Variants in ENPP3 observed in about 807,000 individuals in gnomAD.
ENPP3 encodes ectonucleotide pyrophosphatase/phosphodiesterase 3, also known as ectonucleotide pyrophosphatase/phosphodiesterase family member 3.
A neutral mutation model predicts 117.8 loss-of-function variants in ENPP3; 104 were observed. The observed-to-expected ratio is 0.88, with a 90% CI of 0.75 to 1.04. ENPP3 has a LOEUF of 1.04. Among genes scored for constraint, ENPP3 ranks in the 50% least tolerant of loss-of-function variants. The probability of loss-of-function intolerance (pLI) is 0.00; values close to 1 mark genes in which losing one functional copy is unlikely to be tolerated. For missense variants in ENPP3, 1,026 were observed against 1,051.9 expected (o/e 0.98, Z 0.34); for synonymous variants, 380 against 349.9 (o/e 1.09, Z -0.96).
At position 131,697,309 on chromosome 6, in the gene ENPP3, T is replaced by A. The variant is rs375567682; in HGVS notation, c.1412+3685T>A. ...AGGTGGCTTGAGGTGAATATAGGGA[T>A]ATTTGCTTTTGGAGAGGTCCTTCAA... On this transcript the variant is annotated intron_variant, in intron 15 of 24. Coordinates refer to ENST00000357639, the MANE Select transcript of ENPP3 (RefSeq NM_005021.5). Among the ~76,000 whole-genome samples the A allele has an allele frequency of 1.1e-4, 16 of 151,664 alleles. No individual in the cohort carries two copies. The East Asian group carries it at 1.4e-3, about 13-fold the overall frequency.
chr6:131,696,595 A>G (rs1779410359), intron 15 of ENPP3, among the ~76,000 whole-genome samples: 1 of 152,162 alleles, frequency 6.6e-6, no homozygotes, highest in Non-Finnish European at 1.5e-5. Flanking sequence ...ATCTTTGCTC[A>G]GCTCACCAAG....
intron 12 of ENPP3, among the ~76,000 whole-genome samples, chr6:131,685,048 T>C (rs1779122208): frequency 6.6e-6 from 1 of 152,136 alleles, no homozygotes; most frequent in African/African-American, 2.4e-5. Flanking sequence ...CCTCCCAAAG[T>C]GTTAGGATTA....
intron 7 of ENPP3, among the ~76,000 whole-genome samples, chr6:131,673,142 G>A (rs760339622): frequency 3.2e-4 from 48 of 152,154 alleles, no homozygotes; most frequent in Non-Finnish European, 6.3e-4. Flanking sequence ...ATCAGCACAA[G>A]CTATCAGCCT....
chr6:131,671,155 A>AT, intron 6 of ENPP3, 93 bp from the exon 7 acceptor site: 1 of 777,114 alleles, frequency 1.3e-6, no homozygotes, highest in Non-Finnish European at 2.3e-6. Flanking sequence ...TTTGTTTTTT[A>AT]TTTTTCTGAG....
chr6:131,687,934 C>A (rs1279647267), intron 14 of ENPP3, among the ~76,000 whole-genome samples: 1 of 152,132 alleles, frequency 6.6e-6, no homozygotes, highest in East Asian at 1.9e-4. Context: ...GCTTACCTTG[C>A]TTCACTGCAT....
intron 3 of ENPP3, among the ~76,000 whole-genome samples, chr6:131,651,778 T>C (rs1279779250): frequency 3.3e-5 from 5 of 152,208 alleles, no homozygotes; most frequent in Non-Finnish European, 7.4e-5. Flanking sequence ...GATAGAGATC[T>C]GTGTTCCCTT....
intron 15 of ENPP3, among the ~76,000 whole-genome samples, chr6:131,717,619 A>G (rs1473080211): frequency 6.6e-6 from 1 of 152,200 alleles, no homozygotes; most frequent in African/African-American, 2.4e-5. Context: ...AATTCAAAAC[A>G]GTATTAAAAT....
At chr6:131,673,499 A>T (rs1050365441) in intron 7 of ENPP3, among the ~76,000 whole-genome samples, 1 of 152,172 alleles carries the variant, frequency 6.6e-6, no homozygotes, top group African/African-American at 2.4e-5. Context: ...AAGGGGAAAC[A>T]ACAGACACTG....
chr6:131,711,306 T>A (rs1444468044), intron 15 of ENPP3, among the ~76,000 whole-genome samples: 1 of 150,768 alleles, frequency 6.6e-6, no homozygotes. Context: ...ATCACATATT[T>A]TGAAGCTTTA....
Position 131,718,674 on chromosome 6 carries a change from G to A in ENPP3, c.1415G>A (p.Ser472Asn). 1.3e-6 allele frequency: 2 copies of A among 1,569,764 alleles called. No homozygotes were observed. Among genetic ancestry groups the A allele is most frequent in the Non-Finnish European group, 1.8e-6 (2 of 1,141,846 alleles). ...FVDQQWLAVR[S>N]KSNTNCGGGN... ...GTAATAATATTTTTTCTTTATAGGA[G>A]TAAATCAAATACAAATTGTGGAGGA... is the stretch of plus-strand genomic sequence containing the variant. The change falls in exon 16 of 25, where the codon AGT (serine) becomes AAT (asparagine). Residue 472 changes from serine (S) to asparagine (N), a missense_variant and splice_region_variant. Physicochemically the swap from Ser to Asn is conservative, Grantham distance 46. Coordinates refer to ENST00000357639, the MANE Select transcript of ENPP3 (RefSeq NM_005021.5).
chr6:131,666,503 G>A (rs1778619952), intron 6 of ENPP3, among the ~76,000 whole-genome samples: 1 of 152,062 alleles, frequency 6.6e-6, no homozygotes, highest in Admixed American at 6.6e-5. Context: ...TAATCCACAT[G>A]TTGGTGTCCC....
intron 11 of ENPP3, among the ~76,000 whole-genome samples, chr6:131,678,170 G>A (rs930853038): frequency 6.6e-6 from 1 of 152,106 alleles, no homozygotes; most frequent in African/African-American, 2.4e-5. Context: ...ACTATATATT[G>A]AATCATTTGA....
intron 15 of ENPP3, among the ~76,000 whole-genome samples, chr6:131,716,874 G>A (rs56357287): frequency 5.6e-5 from 8 of 142,034 alleles, no homozygotes; most frequent in East Asian, 4.5e-4. Context: ...GGGAGGCTGA[G>A]GCAGGAGAAT....
At chr6:131,745,705 T>C (rs1332959087) in intron 24 of ENPP3, among the ~76,000 whole-genome samples, 1 of 152,138 alleles carries the variant, frequency 6.6e-6, no homozygotes, top group Non-Finnish European at 1.5e-5. Context: ...AAACACTATT[T>C]TACACCCACG....
chr6:131,645,842 C>T (rs183831702), intron 2 of ENPP3, among the ~76,000 whole-genome samples: 94 of 152,228 alleles, frequency 6.2e-4, no homozygotes, highest in Middle Eastern at 3.4e-3. Context: ...TTCAATATCT[C>T]TTAATCCTAT....
chr6:131,674,981 T>A, intron 8 of ENPP3, 99 bp from the exon 9 acceptor site: 1 of 684,112 alleles, frequency 1.5e-6, no homozygotes, highest in Non-Finnish European at 2.6e-6. Context: ...TCAATTTTAA[T>A]ACATGTTGCA....
rs1473739625 is a variant in ENPP3, at chr6:131,726,125, C to T, written c.1878C>T (p.Tyr626=). Residue 626 remains tyrosine, a synonymous_variant, in exon 20 of 25, where the codon TAC becomes TAT. Coordinates refer to ENST00000357639, the MANE Select transcript of ENPP3 (RefSeq NM_005021.5). ...AGAACGTGGACCACTGTCTCCTTTA[C>T]CACAGGGAATATGTCAGTGGATTTG... ...LQKNVDHCLL[Y]HREYVSGFGK... 15 of 1,613,512 alleles carry T rather than the reference C, an allele frequency of 9.3e-6. No individual in the cohort carries two copies. The highest frequency in any genetic ancestry group is 4.4e-5 in the South Asian group (4 of 91,074).
intron 12 of ENPP3, among the ~76,000 whole-genome samples, chr6:131,683,969 T>C (rs1176918217): frequency 6.6e-6 from 1 of 152,132 alleles, no homozygotes; most frequent in African/African-American, 2.4e-5. Flanking sequence ...GCCCGGTTAG[T>C]CTCAATCTCC....
chr6:131,679,889 C>A lies in ENPP3; in HGVS notation c.1011+1949C>A. 1.3e-5 allele frequency among the ~76,000 whole-genome samples: 2 copies of A among 152,176 alleles called. 1 individual carries two copies. On this transcript the variant is annotated intron_variant, in intron 11 of 24. Coordinates refer to ENST00000357639, the MANE Select transcript of ENPP3 (RefSeq NM_005021.5). ...TGCTGTGCCAGAGCTGTTGGACAAG[C>A]TATGAGAATTATCTCCCACCAATGT...
Sources: gnomAD v4.1 joint callset for allele counts (sites outside exome capture counted in the v4.1 genomes callset) on GRCh38, gnomAD v4.1.1 for gene constraint, MANE v1.5 for transcripts, NCBI Gene and HGNC (gene_info 2026-07-23, HGNC 2026-07-21) for gene names.